TLK1: variants seen among roughly 807,000 people sequenced by gnomAD.
The protein encoded by TLK1 is tousled like kinase 1.
Under a neutral mutation model 105.3 loss-of-function variants are expected in TLK1, and 24 were observed. That is an observed-to-expected ratio of 0.23 (90% CI 0.17 to 0.32). The LOEUF (loss-of-function observed/expected upper bound fraction) is 0.32, where lower values mean the gene tolerates loss of function less well. Among genes scored for constraint, TLK1 ranks in the 10% least tolerant of loss-of-function variants. The pLI is 1.00. For synonymous variants in TLK1, 321 were observed against 310.4 expected, an observed-to-expected ratio of 1.03 and a Z score of -0.36; for missense variants, 558 against 910.5, an observed-to-expected ratio of 0.61 and a Z score of 4.98.
chr2:170,997,730 C>G lies in TLK1; in HGVS notation c.1998G>C (p.Gln666His). 6.2e-7 allele frequency: 1 copy of G among 1,606,140 alleles called. No homozygotes were observed. Among genetic ancestry groups the G allele is most frequent in the Non-Finnish European group, 8.5e-7 (1 of 1,175,038 alleles). The stretch of plus-strand genomic sequence containing the variant: ...AATTTACCTTTCTACCATAAAGACA[C>G]TGAAAGAAGATGACTCCAACCGACC... ...DVWSVGVIFF[Q>H]CLYGRKPFGH... Residue 666 changes from glutamine to histidine, a missense_variant, in exon 19 of 21, where the codon CAG becomes CAC. Around this residue, in one of 5 missense-constraint regions of TLK1, gnomAD observed 218 missense variants for 492.9 expected, o/e 0.44. Coordinates refer to ENST00000431350, the MANE Select transcript of TLK1 (RefSeq NM_012290.5).
At chr2:171,048,904 G>A (rs1042623114) in intron 10 of TLK1, among the ~76,000 whole-genome samples, 2 of 152,170 alleles carry the variant, frequency 1.3e-5, no homozygotes, top group Admixed American at 1.3e-4. Flanking sequence ...CACCAAAAAC[G>A]GAGTAGCATA....
intron 1 of TLK1, among the ~76,000 whole-genome samples, chr2:171,146,038 T>C (rs1691778451): frequency 6.6e-6 from 1 of 152,140 alleles, no homozygotes; most frequent in Non-Finnish European, 1.5e-5. Flanking sequence ...GCCTTTTCAG[T>C]ATGTGTTATG....
intron 1 of TLK1, among the ~76,000 whole-genome samples, chr2:171,167,593 A>C (rs1474375110): frequency 1.3e-5 from 2 of 152,220 alleles, no homozygotes; most frequent in Non-Finnish European, 2.9e-5. Flanking sequence ...TTTTGTATAT[A>C]ATAGGCTAGA....
chr2:171,222,821 A>ATTTT (rs1693832382), intron 1 of TLK1, among the ~76,000 whole-genome samples: 1 of 151,678 alleles, frequency 6.6e-6, no homozygotes, highest in Non-Finnish European at 1.5e-5. Flanking sequence ...TTATTTATTT[A>ATTTT]TTTATTTATT....
chr2:171,028,116 T>C (rs920814969), intron 12 of TLK1, among the ~76,000 whole-genome samples: 1 of 152,174 alleles, frequency 6.6e-6, no homozygotes, highest in African/African-American at 2.4e-5. Flanking sequence ...TGAGCTTAGA[T>C]TGTGCCGCTG....
Position 171,220,601 on chromosome 2 carries a change from G to A in TLK1, c.-6+10544C>T, listed in dbSNP as rs116298113. Among the ~76,000 whole-genome samples, 839 of 152,248 alleles carry A rather than the reference G, an allele frequency of 5.5e-3. 9 individuals are homozygous for A. Among genetic ancestry groups the A allele is most frequent in the African/African-American group, 0.019 (788 of 41,544 alleles). ...ACCAACTTGCCAATTATGTGAGTGT[G>A]ACACCTTGGAAGTAGATCCTTGATC... On this transcript the variant is annotated intron_variant, in intron 1 of 20. Transcript: ENST00000521943.
intron 11 of TLK1, among the ~76,000 whole-genome samples, chr2:171,044,267 TAAAAAATAAA>T (rs1686832511): frequency 6.6e-6 from 1 of 151,492 alleles, no homozygotes; most frequent in Non-Finnish European, 1.5e-5. Flanking sequence ...TTCAAAACAA[TAAAAAATAAA>T]AATAAATAAA....
At chr2:171,025,210 A>C (rs1685717389) in intron 12 of TLK1, among the ~76,000 whole-genome samples, 1 of 152,098 alleles carries the variant, frequency 6.6e-6, no homozygotes. Flanking sequence ...TATGAACTAA[A>C]CTTCATGATT....
At chr2:171,079,579 T>C (rs147767287) in intron 3 of TLK1, among the ~76,000 whole-genome samples, 3 of 152,218 alleles carry the variant, frequency 2.0e-5, no homozygotes, top group Non-Finnish European at 4.4e-5. Context: ...CCAGGAGTGA[T>C]GTAAAATAAA....
chr2:171,190,617 A>G (rs1693127937), intron 1 of TLK1, among the ~76,000 whole-genome samples: 1 of 152,224 alleles, frequency 6.6e-6, no homozygotes, highest in Non-Finnish European at 1.5e-5. Context: ...AATTTCAAAC[A>G]AACTTGCTAG....
At chr2:171,161,281 C>A (rs1454822022), upstream of TLK1, among the ~76,000 whole-genome samples, 1 of 151,860 alleles carries the variant, frequency 6.6e-6, no homozygotes, top group Non-Finnish European at 1.5e-5. Context: ...TCTCCTGACC[C>A]ACACCCAACA....
intron 3 of TLK1, among the ~76,000 whole-genome samples, chr2:171,081,089 C>T (rs1181477124): frequency 2.6e-5 from 4 of 152,136 alleles, no homozygotes; most frequent in African/African-American, 4.8e-5. Flanking sequence ...CAATGATTAA[C>T]CAAATTGTGT....
chr2:171,021,267 CA>C (rs1471884412), intron 12 of TLK1, among the ~76,000 whole-genome samples: 1 of 94,180 alleles, frequency 1.1e-5, no homozygotes. Flanking sequence ...AAATATCTGG[CA>C]CACTTGTCTT....
At chr2:171,096,199 A>G (rs959799482) in intron 2 of TLK1, among the ~76,000 whole-genome samples, 4 of 152,194 alleles carry the variant, frequency 2.6e-5, no homozygotes, top group Non-Finnish European at 4.4e-5. Flanking sequence ...AACAAAATCA[A>G]CATACAAAAA....
intron 12 of TLK1, among the ~76,000 whole-genome samples, chr2:171,027,689 A>C (rs1685841092): frequency 6.6e-6 from 1 of 152,230 alleles, no homozygotes; most frequent in African/African-American, 2.4e-5. Flanking sequence ...GGAATTTTAG[A>C]TTTCATCTTT....
chr2:171,090,918 C>T (rs1689200312), intron 2 of TLK1, among the ~76,000 whole-genome samples: 3 of 152,102 alleles, frequency 2.0e-5, no homozygotes. Context: ...GTCGCACTAG[C>T]CATATTTTAA....
chr2:171,158,068 C>T (rs1692306841), intron 1 of TLK1, among the ~76,000 whole-genome samples: 1 of 152,168 alleles, frequency 6.6e-6, no homozygotes, highest in Admixed American at 6.5e-5. Flanking sequence ...ACTGAGATTT[C>T]GCTCAATAGA....
intron 12 of TLK1, among the ~76,000 whole-genome samples, chr2:171,025,349 C>T (rs953807930): frequency 1.3e-5 from 2 of 152,170 alleles, no homozygotes; most frequent in African/African-American, 2.4e-5. Flanking sequence ...TTTCTATTCT[C>T]CTATGTCCAT....
intron 2 of TLK1, among the ~76,000 whole-genome samples, chr2:171,092,654 G>A (rs574509850): frequency 5.3e-5 from 8 of 152,196 alleles, no homozygotes; most frequent in Admixed American, 5.2e-4. Context: ...CTACCCCCAT[G>A]GACAAAATGA....
Sources: allele counts gnomAD v4.1 joint callset (sites outside exome capture counted in the v4.1 genomes callset), GRCh38; gene constraint gnomAD v4.1.1; regional missense constraint gnomAD v4.1.1; transcripts MANE v1.5; gene names NCBI Gene and HGNC (gene_info 2026-07-23, HGNC 2026-07-21).